ENPP1: variants seen among roughly 807,000 people sequenced by gnomAD.
The protein encoded by ENPP1 is ectonucleotide pyrophosphatase/phosphodiesterase 1.
ENPP1 carries 73 observed loss-of-function variants against 122.8 expected under a neutral mutation model. The observed-to-expected ratio is 0.59, with a 90% CI of 0.49 to 0.72. The LOEUF (loss-of-function observed/expected upper bound fraction) is 0.72. ENPP1 is among the 30% of genes least tolerant of loss of function. The pLI is 0.00. For synonymous variants in ENPP1, 367 were observed against 391.6 expected, an observed-to-expected ratio of 0.94 and a Z score of 0.74; for missense variants, 978 against 1,128.1, an observed-to-expected ratio of 0.87 and a Z score of 1.91.
intron 7 of ENPP1, among the ~76,000 whole-genome samples, chr6:131,859,624 A>T (rs1294737978): frequency 3.7e-5 from 3 of 82,144 alleles, no homozygotes; most frequent in African/African-American, 1.4e-4. Flanking sequence ...GGAATGTGGG[A>T]ATAAAAGACA....
intron 2 of ENPP1, 69 bp from the exon 3 acceptor site, chr6:131,849,921 T>C: frequency 9.0e-7 from 1 of 1,115,018 alleles, no homozygotes; most frequent in Non-Finnish European, 1.4e-6. Flanking sequence ...AACTTAGTTG[T>C]ATTCGTTGAT....
chr6:131,845,158 A>G (rs11154645), intron 1 of ENPP1, among the ~76,000 whole-genome samples: 25,943 of 142,690 alleles, frequency 0.18, 3,410 homozygotes, highest in African/African-American at 0.38. Context: ...TCAGCCTCCC[A>G]AGTAGCTGGG....
intron 6 of ENPP1, among the ~76,000 whole-genome samples, chr6:131,857,735 A>C (rs966860876): frequency 6.6e-6 from 1 of 152,078 alleles, no homozygotes; most frequent in Non-Finnish European, 1.5e-5. Flanking sequence ...CACCAGCATG[A>C]CACATGTATA....
In ENPP1 at chr6:131,858,692, A is replaced by T. The variant is rs1781980134; in HGVS notation, c.740A>T (p.Asn247Ile). 1.2e-6 allele frequency: 2 copies of T among 1,610,580 alleles called. No individual in the cohort carries two copies. The highest frequency in any genetic ancestry group is 1.1e-5 in the South Asian group (1 of 90,984). The change falls in exon 7 of 25, where the codon AAC becomes ATC. Residue 247 changes from asparagine (N) to isoleucine (I), a missense_variant. Coordinates refer to ENST00000647893, the MANE Select transcript of ENPP1 (RefSeq NM_006208.3). Reference protein sequence around the residue: ...KLKKCGTYTKNMRPVYPTKTF... With the variant: ...KLKKCGTYTKIMRPVYPTKTF... ...GAAAAATGTGGAACATATACTAAAA[A>T]CATGAGACCGGTATATCCAACAAAA...
rs1252669111 is a variant in ENPP1, at chr6:131,837,179, TG to T, written c.241-10596del. 2.0e-5 allele frequency among the ~76,000 whole-genome samples: 3 copies of T among 147,858 alleles called. 1 individual carries two copies. Among genetic ancestry groups the T allele is most frequent in the Admixed American group, 2.0e-4 (3 of 14,818 alleles). ...TTGGGGTTCCTGTTGTCATTGTGTG[TG>T]TGTGTGTGTGTGTGTGTGTGTGTGT... On this transcript the variant is annotated intron_variant, in intron 1 of 24. Coordinates refer to ENST00000647893, the MANE Select transcript of ENPP1 (RefSeq NM_006208.3).
intron 15 of ENPP1, among the ~76,000 whole-genome samples, chr6:131,873,443 C>T (rs1562181614): frequency 6.6e-6 from 1 of 152,170 alleles, no homozygotes; most frequent in East Asian, 1.9e-4. Flanking sequence ...TTACAATCTA[C>T]ATTTGTTACT....
Position 131,885,013 on chromosome 6 carries a change from G to A in ENPP1, c.2394G>A (p.Val798=), listed in dbSNP as rs142556577. ...RNGVNVVSGP[V]FDFDYDGRCD... The stretch of plus-strand genomic sequence containing the variant: ...GTGTCAATGTCGTCAGTGGTCCTGT[G>A]TTTGACTTTGATTATGATGGACGTT... Residue 798 remains valine, a synonymous_variant, in exon 23 of 25, where the codon GTG becomes GTA. Coordinates refer to ENST00000647893, the MANE Select transcript of ENPP1 (RefSeq NM_006208.3). 2 of 1,613,932 alleles carry A rather than the reference G, an allele frequency of 1.2e-6. No homozygotes were observed. The highest frequency in any genetic ancestry group is 2.7e-5 in the African/African-American group (2 of 74,908).
chr6:131,827,005 A>G (rs1020760973), intron 1 of ENPP1: 66 of 499,258 alleles, frequency 1.3e-4, no homozygotes, highest in Non-Finnish European at 2.1e-4. Context: ...ACTACCAGAG[A>G]TGAATGGTCC....
chr6:131,882,560 T>C, intron 21 of ENPP1, 86 bp downstream of exon 21: 2 of 643,062 alleles, frequency 3.1e-6, no homozygotes, highest in South Asian at 3.2e-5. Context: ...TATAGGGTAA[T>C]ATATATATTA....
chr6:131,839,595 T>A (rs1781716149), intron 1 of ENPP1, among the ~76,000 whole-genome samples: 1 of 152,172 alleles, frequency 6.6e-6, no homozygotes, highest in Admixed American at 6.5e-5. Context: ...ATTCCAAAAG[T>A]ACATGGGTCC....
chr6:131,821,621 T>C (rs1299506509), intron 1 of ENPP1, among the ~76,000 whole-genome samples: 1 of 152,258 alleles, frequency 6.6e-6, no homozygotes, highest in East Asian at 1.9e-4. Flanking sequence ...TACTCTGCAC[T>C]GGCTTGTCCT....
intron 1 of ENPP1, among the ~76,000 whole-genome samples, chr6:131,815,044 A>G (rs562964323): frequency 9.2e-5 from 14 of 152,350 alleles, no homozygotes; most frequent in African/African-American, 3.4e-4. Context: ...CCACATAGAG[A>G]TGACACTTGG....
intron 1 of ENPP1, among the ~76,000 whole-genome samples, chr6:131,846,149 C>A (rs1175987594): frequency 6.6e-6 from 1 of 152,150 alleles, no homozygotes; most frequent in Admixed American, 6.5e-5. Context: ...AGTACATAGT[C>A]CGTACTCAAT....
At position 131,808,133 on chromosome 6, in the gene ENPP1, G is replaced by T; in HGVS notation, c.98G>T (p.Arg33Leu). 3.6e-6 allele frequency: 5 copies of T among 1,377,482 alleles called. No homozygotes were observed. Among genetic ancestry groups the T allele is most frequent in the Non-Finnish European group, 4.7e-6 (5 of 1,059,284 alleles). 85.3% of individuals were successfully genotyped at this position (1,377,482 alleles called of 1,614,324 possible). A position where few individuals can be genotyped will look rare whatever the true frequency, so the allele number is the denominator to read the frequency against. Residue 33 changes from arginine to leucine, a missense_variant, in exon 1 of 25, where the codon CGC becomes CTC. By Grantham distance (102) the Arg-to-Leu change is moderately radical. This residue lies in a region of ENPP1 where 330 missense variants were observed against 328.5 expected (regional missense o/e 1.00). Transcript: ENST00000647893. ...GPAGNGRDRG[R>L]SHAAEAPGDP... The stretch of plus-strand genomic sequence containing the variant: ...GCGGGGAACGGCCGCGATCGGGGCC[G>T]CAGCCACGCTGCCGAGGCGCCCGGG...
intron 1 of ENPP1, among the ~76,000 whole-genome samples, chr6:131,845,061 T>G (rs1781790513): frequency 7.5e-6 from 1 of 132,604 alleles, no homozygotes; most frequent in Non-Finnish European, 1.6e-5. Flanking sequence ...TTTTTTTTTT[T>G]TTTTTTTTTT....
At chr6:131,850,173 C>T (rs1013287253) in intron 3 of ENPP1, 67 bp downstream of exon 3, 1 of 1,099,840 alleles carries the variant, frequency 9.1e-7, no homozygotes, top group Non-Finnish European at 1.4e-6. Flanking sequence ...AGTTCTGTGT[C>T]TTTCAGGTAT....
rs1781307530 is a variant in ENPP1, at chr6:131,808,338, G to A, written c.240+63G>A. 2.1e-6 allele frequency: 3 copies of A among 1,423,674 alleles called. No homozygotes were observed. In the South Asian group the frequency reaches 4.4e-5, roughly 21 times the overall value. 88.2% of individuals were successfully genotyped at this position (1,423,674 alleles called of 1,614,324 possible). A position where few individuals can be genotyped will look rare whatever the true frequency, so the allele number is the denominator to read the frequency against. On this transcript the variant is annotated intron_variant, in intron 1 of 24. Transcript: ENST00000647893. ...GGGAGTACGGGGAGGGCGGCGCCGAGCTCCTGCGCTCTCAGCGCAGTCAGC... is the reference window on the plus strand; with the variant it reads ...GGGAGTACGGGGAGGGCGGCGCCGAACTCCTGCGCTCTCAGCGCAGTCAGC...
At chr6:131,883,218 T>C (rs1254432757) in intron 21 of ENPP1, among the ~76,000 whole-genome samples, 1 of 152,198 alleles carries the variant, frequency 6.6e-6, no homozygotes, top group Non-Finnish European at 1.5e-5. Flanking sequence ...ACTTGGCTAT[T>C]GCATTATAAA....
chr6:131,885,825 C>T (rs972825665), intron 23 of ENPP1, among the ~76,000 whole-genome samples: 8 of 152,150 alleles, frequency 5.3e-5, no homozygotes, highest in Non-Finnish European at 1.2e-4. Context: ...ATAAAGCTGC[C>T]TTAGAAGCTG....
Sources: gnomAD v4.1 joint callset for allele counts (sites outside exome capture counted in the v4.1 genomes callset) on GRCh38, gnomAD v4.1.1 for gene constraint, gnomAD v4.1.1 regional missense constraint, MANE v1.5 for transcripts, NCBI Gene and HGNC (gene_info 2026-07-23, HGNC 2026-07-21) for gene names.